Variants in ZNF385D observed in about 807,000 individuals in gnomAD.
The protein encoded by ZNF385D is zinc finger protein 385D, also known as zinc finger protein 659.
Under a neutral mutation model 35.8 loss-of-function variants are expected in ZNF385D, and 15 were observed. The ratio of observed to expected loss-of-function variants is 0.42; its 90% CI spans 0.28 to 0.64. The LOEUF is 0.64. Ranked by LOEUF, ZNF385D falls within the 30% of genes least tolerant of loss-of-function variation. The pLI, the probability that ZNF385D is intolerant of heterozygous loss-of-function variation, is 0.23. For missense variants in ZNF385D, 474 were observed against 494.6 expected, an observed-to-expected ratio of 0.96 and a Z score of 0.39; for synonymous variants, 212 against 186.8, an observed-to-expected ratio of 1.13 and a Z score of -1.10.
intron 2 of ZNF385D, among the ~76,000 whole-genome samples, chr3:22,284,650 C>G (rs2125386713): frequency 6.6e-6 from 1 of 152,128 alleles, no homozygotes; most frequent in African/African-American, 2.4e-5. Flanking sequence ...GGCCTATTCA[C>G]TGCATGTAAA....
chr3:21,561,212 G>A (rs552293116), intron 3 of ZNF385D, among the ~76,000 whole-genome samples: 1 of 152,250 alleles, frequency 6.6e-6, no homozygotes, highest in South Asian at 2.1e-4. Context: ...ACTCCTTCAC[G>A]TAGCTTGGTT....
At chr3:21,560,379 C>T (rs1019583992) in intron 3 of ZNF385D, among the ~76,000 whole-genome samples, 1 of 152,116 alleles carries the variant, frequency 6.6e-6, no homozygotes, top group Admixed American at 6.6e-5. Context: ...TGATGTTATT[C>T]ATTTCTGTTA....
intron 3 of ZNF385D, among the ~76,000 whole-genome samples, chr3:21,885,116 A>C (rs1698474678): frequency 6.6e-6 from 1 of 152,038 alleles, no homozygotes; most frequent in African/African-American, 2.4e-5. Context: ...AAAGTGGTGG[A>C]AAAAATGTTA....
upstream of ZNF385D, among the ~76,000 whole-genome samples, chr3:21,755,865 G>C (rs976269385): frequency 1.3e-5 from 2 of 152,314 alleles, no homozygotes. Context: ...GCTGCAGAAA[G>C]TGCAAAGGAT....
chr3:22,367,984 T>C (rs1212890707), intron 2 of ZNF385D, among the ~76,000 whole-genome samples: 2 of 152,208 alleles, frequency 1.3e-5, no homozygotes, highest in Non-Finnish European at 2.9e-5. Context: ...TACTGTTTCC[T>C]GAAAGATGGG....
At chr3:21,597,105 G>A (rs959215619) in intron 2 of ZNF385D, among the ~76,000 whole-genome samples, 1 of 151,994 alleles carries the variant, frequency 6.6e-6, no homozygotes, top group African/African-American at 2.4e-5. Flanking sequence ...GGAAACCAAG[G>A]CATTTTATCT....
intron 3 of ZNF385D, among the ~76,000 whole-genome samples, chr3:21,521,556 C>T (rs1176376084): frequency 2.6e-5 from 4 of 152,044 alleles, no homozygotes; most frequent in East Asian, 1.9e-4. Context: ...ATTTTGAGAC[C>T]GGCTTGGGCA....
chr3:22,003,942 C>A (rs574627947), intron 3 of ZNF385D, among the ~76,000 whole-genome samples: 2 of 140,602 alleles, frequency 1.4e-5, no homozygotes, highest in Non-Finnish European at 3.2e-5. Context: ...ATAGTCAAAG[C>A]AATCCTGAGT....
intron 2 of ZNF385D, among the ~76,000 whole-genome samples, chr3:22,208,081 T>C (rs888747434): frequency 3.9e-5 from 6 of 152,006 alleles, no homozygotes; most frequent in Non-Finnish European, 8.8e-5. Flanking sequence ...CTGCTGGGCA[T>C]GTACACAAAA....
chr3:21,711,038 A>ATTTTTT (rs562190313), intron 1 of ZNF385D, among the ~76,000 whole-genome samples: 7 of 55,824 alleles, frequency 1.3e-4, no homozygotes, highest in East Asian at 6.0e-4. Context: ...TCCCTCTAAA[A>ATTTTTT]GTTTTTTTTT....
chr3:22,261,748 A>C (rs1387752940), intron 2 of ZNF385D, among the ~76,000 whole-genome samples: 1 of 151,876 alleles, frequency 6.6e-6, no homozygotes, highest in African/African-American at 2.4e-5. Flanking sequence ...TGTTCCTCTA[A>C]CCAAAGGCCA....
intron 3 of ZNF385D, among the ~76,000 whole-genome samples, chr3:22,156,142 G>T (rs1576415893): frequency 6.6e-6 from 1 of 152,024 alleles, no homozygotes; most frequent in Admixed American, 6.6e-5. Context: ...ATTGTGCAAT[G>T]AGTACTTATC....
rs1700535088 is a variant in ZNF385D, at chr3:21,414,546, C to T, written c.*6668G>A. 1 of 152,034 alleles carries T rather than the reference C, an allele frequency of 6.6e-6. No homozygotes were observed. Among genetic ancestry groups the T allele is most frequent in the South Asian group, 2.1e-4 (1 of 4,832 alleles). 9.4% of individuals were successfully genotyped at this position (152,034 alleles called of 1,614,324 possible). On this transcript the variant is annotated 3_prime_UTR_variant, in exon 8 of 8. Coordinates refer to ENST00000281523, the MANE Select transcript of ZNF385D (RefSeq NM_024697.3). ...TAGAAATATGGCTTAGATTTTGGAG[C>T]TATTTTGAGTAGCAAATGACTTGCT...
At chr3:22,018,917 C>G (rs910029646) in intron 3 of ZNF385D, among the ~76,000 whole-genome samples, 4 of 151,590 alleles carry the variant, frequency 2.6e-5, no homozygotes, top group African/African-American at 7.3e-5. Flanking sequence ...TCTAGGCCTA[C>G]GGAGTACAGG....
intron 3 of ZNF385D, among the ~76,000 whole-genome samples, chr3:21,823,593 T>C (rs996908506): frequency 2.0e-5 from 3 of 152,330 alleles, no homozygotes; most frequent in Middle Eastern, 3.4e-3. Flanking sequence ...CAGATGAATT[T>C]TCTGGCCCAA....
chr3:21,747,958 A>G (rs1380783692), intron 1 of ZNF385D, among the ~76,000 whole-genome samples: 1 of 152,178 alleles, frequency 6.6e-6, no homozygotes, highest in Non-Finnish European at 1.5e-5. Context: ...TTGCTTTTAC[A>G]GTAAATCCCA....
At chr3:21,514,994 A>G (rs1707465515) in intron 3 of ZNF385D, among the ~76,000 whole-genome samples, 1 of 152,166 alleles carries the variant, frequency 6.6e-6, no homozygotes, top group Admixed American at 6.5e-5. Context: ...GTTCCTGTAG[A>G]ACAGAACGCC....
Position 21,535,918 on chromosome 3 carries a change from A to T in ZNF385D, c.277-24895T>A, listed in dbSNP as rs576100541. The stretch of plus-strand genomic sequence containing the variant: ...TAAATACACAACTGCCTATACGACT[A>T]ATTTGCATGAGTCTGTGGTAGACAG... On this transcript the variant is annotated intron_variant, in intron 3 of 7. Coordinates refer to ENST00000281523, the MANE Select transcript of ZNF385D (RefSeq NM_024697.3). Among the ~76,000 whole-genome samples, 48 of 152,184 alleles carry T rather than the reference A, an allele frequency of 3.2e-4. 1 individual carries two copies. The South Asian group carries it at 5.1e-3, about 16-fold the overall frequency.
intron 3 of ZNF385D, among the ~76,000 whole-genome samples, chr3:21,820,691 A>T (rs1458388416): frequency 6.6e-6 from 1 of 151,776 alleles, no homozygotes; most frequent in Non-Finnish European, 1.5e-5. Context: ...CGAAAGAAAA[A>T]TAGAGGGACT....
Sources: allele counts gnomAD v4.1 joint callset (sites outside exome capture counted in the v4.1 genomes callset), GRCh38; gene constraint gnomAD v4.1.1; transcripts MANE v1.5; gene names NCBI Gene and HGNC (gene_info 2026-07-23, HGNC 2026-07-21).